Variants in SLC47A1 observed in about 807,000 individuals in gnomAD.
SLC47A1 encodes multidrug and toxin extrusion protein 1.
In SLC47A1, 58 loss-of-function variants were observed where a neutral mutation model predicts 65.8. The ratio of observed to expected loss-of-function variants is 0.88; its 90% CI spans 0.71 to 1.10. The LOEUF (loss-of-function observed/expected upper bound fraction) is 1.10. SLC47A1 is among the 50% of genes least tolerant of loss of function. SLC47A1 has a pLI of 0.00. For missense variants in SLC47A1, 706 were observed against 719.2 expected (o/e 0.98, Z 0.21); for synonymous variants, 285 against 295.0 (o/e 0.97, Z 0.35).
intron 6 of SLC47A1, among the ~76,000 whole-genome samples, chr17:19,553,543 TC>T (rs1916514184): frequency 8.9e-6 from 1 of 112,942 alleles, no homozygotes; most frequent in Admixed American, 1.1e-4. Flanking sequence ...ATTTCTTTCT[TC>T]CTTTTTTTTT....
chr17:19,560,714 A>G (rs927930558), intron 12 of SLC47A1, among the ~76,000 whole-genome samples: 1 of 151,254 alleles, frequency 6.6e-6, no homozygotes, highest in Non-Finnish European at 1.5e-5. Context: ...CCCTATCTCT[A>G]CTAAAAATAC....
At chr17:19,572,950 T>C (rs1420180478) in intron 16 of SLC47A1, 89 bp downstream of exon 16, 2 of 1,082,870 alleles carry the variant, frequency 1.8e-6, no homozygotes, top group Non-Finnish European at 2.8e-6. Flanking sequence ...TTTGCTGCTA[T>C]GAGCTCTCAT....
intron 12 of SLC47A1, among the ~76,000 whole-genome samples, chr17:19,562,998 C>T (rs914373040): frequency 6.6e-6 from 1 of 151,782 alleles, no homozygotes; most frequent in African/African-American, 2.4e-5. Context: ...CTACTTTGCA[C>T]AACTTTTTCC....
At chr17:19,538,904 T>C (rs1162272137) in intron 1 of SLC47A1, among the ~76,000 whole-genome samples, 1 of 152,166 alleles carries the variant, frequency 6.6e-6, no homozygotes, top group African/African-American at 2.4e-5. Flanking sequence ...GCAGGGTCAC[T>C]GTGACAAGAA....
Position 19,567,188 on chromosome 17 carries a change from C to T in SLC47A1, c.1269C>T (p.Ile423=), listed in dbSNP as rs774900748. 41 of 1,614,080 alleles carry T rather than the reference C, an allele frequency of 2.5e-5. No homozygotes were observed. The highest frequency in any genetic ancestry group is 4.0e-5 in the African/African-American group (3 of 74,932). ...TIGYYVVGLP[I]GIALMFATTL... ...GGTACTATGTGGTTGGCCTCCCCAT[C>T]GGGATCGCGCTGATGTTTGCAACCA... Residue 423 remains isoleucine, a synonymous_variant, in exon 14 of 17, where the codon ATC becomes ATT. Coordinates refer to ENST00000270570, the MANE Select transcript of SLC47A1 (RefSeq NM_018242.3).
intron 1 of SLC47A1, among the ~76,000 whole-genome samples, chr17:19,539,571 GC>G (rs1342643798): frequency 6.6e-6 from 1 of 151,746 alleles, no homozygotes; most frequent in East Asian, 1.9e-4. Context: ...TGCAACCTCT[GC>G]CCCCTGGGTT....
chr17:19,554,958 C>T lies in SLC47A1; in HGVS notation c.544-254C>T, dbSNP rs190600469. Among the ~76,000 whole-genome samples the T allele has an allele frequency of 2.9e-3, 445 of 152,290 alleles. 1 individual carries two copies. The highest frequency in any genetic ancestry group is 4.2e-3 in the Non-Finnish European group (285 of 68,022). On this transcript the variant is annotated intron_variant, in intron 6 of 16. Coordinates refer to ENST00000270570, the MANE Select transcript of SLC47A1 (RefSeq NM_018242.3). The stretch of plus-strand genomic sequence containing the variant: ...AGCCATTTATCTTCTTCCTTCCCTG[C>T]TGCTGAACATATCTTGCCTGTGTCT...
At chr17:19,536,085 C>T (rs1000820193) in intron 1 of SLC47A1, among the ~76,000 whole-genome samples, 2 of 151,946 alleles carry the variant, frequency 1.3e-5, no homozygotes, top group Non-Finnish European at 2.9e-5. Context: ...CAGGCACACA[C>T]CACCATGCCT....
chr17:19,549,520 C>A (rs1045516554), intron 4 of SLC47A1, 115 bp from the exon 5 acceptor site: 64 of 1,140,192 alleles, frequency 5.6e-5, no homozygotes, highest in Non-Finnish European at 7.8e-5. Flanking sequence ...GCCCATTAAT[C>A]TGGAAACAGC....
intron 2 of SLC47A1, 21 bp downstream of exon 2, chr17:19,542,515 A>G (rs1342455371): frequency 6.3e-7 from 1 of 1,582,602 alleles, no homozygotes; most frequent in Non-Finnish European, 8.6e-7. Context: ...GCTTTCTGGC[A>G]GGTTTACCAA....
intron 6 of SLC47A1, among the ~76,000 whole-genome samples, chr17:19,552,001 G>A (rs890663779): frequency 2.0e-5 from 3 of 152,238 alleles, no homozygotes; most frequent in Non-Finnish European, 4.4e-5. Context: ...CCATGGCTTG[G>A]TAGGGGTGGA....
At chr17:19,535,956 T>C (rs1045888140) in intron 1 of SLC47A1, among the ~76,000 whole-genome samples, 1 of 152,106 alleles carries the variant, frequency 6.6e-6, no homozygotes, top group African/African-American at 2.4e-5. Flanking sequence ...TCTAAGGCTA[T>C]TATTGTTTTA....
intron 6 of SLC47A1, among the ~76,000 whole-genome samples, chr17:19,553,687 G>A (rs183942804): frequency 2.7e-4 from 41 of 152,008 alleles, no homozygotes; most frequent in African/African-American, 7.5e-4. Flanking sequence ...GACTACAGGC[G>A]CGTGCCACCA....
chr17:19,548,784 G>A (rs1368864988), intron 4 of SLC47A1, among the ~76,000 whole-genome samples: 2 of 152,176 alleles, frequency 1.3e-5, no homozygotes, highest in African/African-American at 2.4e-5. Context: ...ACCATGCCCG[G>A]CCAGGATTCT....
In SLC47A1 at chr17:19,566,870, T is replaced by C; in HGVS notation, c.1176+11T>C. On this transcript the variant is annotated intron_variant, in intron 13 of 16. Coordinates refer to ENST00000270570, the MANE Select transcript of SLC47A1 (RefSeq NM_018242.3). ...TTTGAAGCTCTTGCTGTAAGTATTA[T>C]GTAGTAGTCCCCTAAGCACTGTTAT... 2 of 1,614,014 alleles carry C rather than the reference T, an allele frequency of 1.2e-6. No homozygotes were observed. Among genetic ancestry groups the C allele is most frequent in the Non-Finnish European group, 1.7e-6 (2 of 1,179,876 alleles).
In SLC47A1 at chr17:19,555,815, G is replaced by C. The variant is rs1916588920; in HGVS notation, c.759G>C (p.Leu253=). 8 of 1,613,622 alleles carry C rather than the reference G, an allele frequency of 5.0e-6. No homozygotes were observed. The highest frequency in any genetic ancestry group is 5.1e-6 in the Non-Finnish European group (6 of 1,180,030). Residue 253 remains leucine, a synonymous_variant, in exon 9 of 17, where the codon CTG becomes CTC. Transcript: ENST00000270570. The part of the protein sequence containing the change: ...ATWGGWSLEC[L]QDWASFLRLA... Reference sequence around the variant, plus strand: ...CCACAGGCTGGTCCCTCGAGTGCCTGCAGGACTGGGCCTCCTTCCTCCGCC... The same window carrying C: ...CCACAGGCTGGTCCCTCGAGTGCCTCCAGGACTGGGCCTCCTTCCTCCGCC...
At chr17:19,566,417 T>C (rs1436919832) in intron 12 of SLC47A1, among the ~76,000 whole-genome samples, 4 of 152,170 alleles carry the variant, frequency 2.6e-5, no homozygotes, top group Non-Finnish European at 5.9e-5. Context: ...ATGTCTGTAA[T>C]ATGCAGAAAG....
At position 19,546,509 on chromosome 17, in the gene SLC47A1, T is replaced by C. The variant is rs1209684727; in HGVS notation, c.306+6T>C. On this transcript the variant is annotated splice_donor_region_variant and intron_variant, in intron 3 of 16. Transcript: ENST00000270570. ...GTGACACCCTCATCTCCCAGGTAAATGGAAGTGGTCACACGCTCACAGTGA... is the reference window on the plus strand; with the variant it reads ...GTGACACCCTCATCTCCCAGGTAAACGGAAGTGGTCACACGCTCACAGTGA... 6.2e-7 allele frequency: 1 copy of C among 1,613,318 alleles called. No individual in the cohort carries two copies. The highest frequency in any genetic ancestry group is 1.7e-5 in the Admixed American group (1 of 59,926).
At chr17:19,572,743 T>C in intron 15 of SLC47A1, 37 bp from the exon 16 acceptor site, 1 of 1,594,628 alleles carries the variant, frequency 6.3e-7, no homozygotes, top group Non-Finnish European at 8.6e-7. Context: ...ATATTAACAC[T>C]ATTGTGAAGC....
Sources: allele counts gnomAD v4.1 joint callset (sites outside exome capture counted in the v4.1 genomes callset), GRCh38; gene constraint gnomAD v4.1.1; transcripts MANE v1.5; gene names NCBI Gene and HGNC (gene_info 2026-07-23, HGNC 2026-07-21).